The following MCM6 variants were observed in gnomAD, a reference collection of about 807,000 sequenced individuals.
MCM6 encodes the protein minichromosome maintenance complex component 6, also known as DNA replication licensing factor MCM6.
MCM6 carries 46 observed loss-of-function variants against 94.3 expected under a neutral mutation model. The observed-to-expected ratio is 0.49, with a 90% CI of 0.39 to 0.62. The LOEUF (loss-of-function observed/expected upper bound fraction) is 0.62. Among genes scored for constraint, MCM6 ranks in the 20% least tolerant of loss-of-function variants. The pLI is 0.00. For synonymous variants in MCM6, 335 were observed against 351.9 expected, an observed-to-expected ratio of 0.95 and a Z score of 0.54; for missense variants, 865 against 1,017.9, an observed-to-expected ratio of 0.85 and a Z score of 2.04.
intron 3 of MCM6, among the ~76,000 whole-genome samples, chr2:135,869,458 T>A (rs1680163535): frequency 6.6e-6 from 1 of 151,852 alleles, no homozygotes. Context: ...TGCAAATACT[T>A]TTTTGCTTAC....
intron 11 of MCM6, among the ~76,000 whole-genome samples, chr2:135,853,668 T>C (rs1034142280): frequency 2.0e-5 from 3 of 151,826 alleles, no homozygotes; most frequent in Admixed American, 6.6e-5. Flanking sequence ...AGGATTTGAA[T>C]AGTCTAGCTT....
chr2:135,855,730 T>C (rs1679860975), intron 11 of MCM6, among the ~76,000 whole-genome samples: 1 of 152,178 alleles, frequency 6.6e-6, no homozygotes, highest in South Asian at 2.1e-4. Context: ...ATTTAGATAA[T>C]ATTTAAAGTT....
chr2:135,840,899 C>G lies in MCM6; in HGVS notation c.2402G>C (p.Gly801Ala). The change falls in exon 17 of 17, where the codon GGA becomes GCA. Residue 801 changes from glycine to alanine, a missense_variant. This residue lies in a region of MCM6 where 308 missense variants were observed against 324.5 expected (regional missense o/e 0.95). Transcript: ENST00000264156. Reference sequence around the variant, plus strand: ...GGGATCTTCTTCATAGCTCTCACTTCCCTCTGTGGAGCCTTTCAATCCAGC... The same window carrying G: ...GGGATCTTCTTCATAGCTCTCACTTGCCTCTGTGGAGCCTTTCAATCCAGC... ...TQAGLKGSTE[G>A]SESYEEDPYL... The G allele has an allele frequency of 2.5e-6, 4 of 1,614,180 alleles. No individual in the cohort carries two copies. Among genetic ancestry groups the G allele is most frequent in the Non-Finnish European group, 2.5e-6 (3 of 1,180,010 alleles).
intron 16 of MCM6, among the ~76,000 whole-genome samples, chr2:135,841,978 A>ACT (rs1183485930): frequency 2.0e-5 from 3 of 152,026 alleles, no homozygotes; most frequent in African/African-American, 7.2e-5. Context: ...GGTGGCGGGC[A>ACT]CCTGTAATCC....
chr2:135,876,123 T>TG, intron 1 of MCM6, 136 bp downstream of exon 1: 1 of 625,892 alleles, frequency 1.6e-6, no homozygotes, highest in Non-Finnish European at 2.5e-6. Flanking sequence ...AGCCTAAAGT[T>TG]GGGGGGCGGG....
intron 10 of MCM6, 55 bp from the exon 11 acceptor site, chr2:135,856,938 A>G (rs1679902289): frequency 6.8e-7 from 1 of 1,474,622 alleles, no homozygotes; most frequent in Non-Finnish European, 9.3e-7. Context: ...GCCAATAAAT[A>G]TATAACAACA....
In MCM6 at chr2:135,866,635, G is replaced by C. The variant is rs147531807; in HGVS notation, c.709C>G (p.Gln237Glu). The C allele has an allele frequency of 1.8e-5, 29 of 1,614,064 alleles. No individual in the cohort carries two copies. The highest frequency in any genetic ancestry group is 1.6e-4 in the Middle Eastern group (1 of 6,084). Residue 237 changes from glutamine (Q) to glutamate (E), a missense_variant, in exon 5 of 17, where the codon CAA (glutamine) becomes GAA (glutamate). Transcript: ENST00000264156. ...ILRAEAVESA[Q>E]AGDKCDFTGT... ...GTAAAGTCACACTTGTCACCAGCTT[G>C]AGCTGATTCCACAGCTTCAGCCCTT...
intron 7 of MCM6, among the ~76,000 whole-genome samples, chr2:135,864,172 G>C (rs1034825759): frequency 2.0e-5 from 3 of 152,116 alleles, no homozygotes; most frequent in Non-Finnish European, 4.4e-5. Flanking sequence ...TCCTAATTGA[G>C]TATGGAAGAC....
chr2:135,856,639 C>T (rs549255541), intron 11 of MCM6, 89 bp downstream of exon 11: 3 of 1,329,788 alleles, frequency 2.3e-6, no homozygotes, highest in African/African-American at 1.5e-5. Flanking sequence ...GGTGCACATA[C>T]ATGCACCAGC....
At chr2:135,848,586 C>T (rs1679711713) in intron 13 of MCM6, among the ~76,000 whole-genome samples, 1 of 151,992 alleles carries the variant, frequency 6.6e-6, no homozygotes, top group Non-Finnish European at 1.5e-5. Context: ...AAGACATATA[C>T]ATCCCATAAG....
intron 3 of MCM6, 33 bp from the exon 4 acceptor site, chr2:135,868,893 T>C: frequency 6.3e-7 from 1 of 1,596,800 alleles, no homozygotes; most frequent in Non-Finnish European, 8.6e-7. Context: ...TTAGTAAACA[T>C]TCATCTCTTA....
rs184287077 is a variant in MCM6, at chr2:135,864,003, C to T, written c.1078+1010G>A. Among the ~76,000 whole-genome samples the T allele has an allele frequency of 2.9e-3, 434 of 151,814 alleles. 4 individuals are homozygous for T. The highest frequency in any genetic ancestry group is 0.02 in the South Asian group (96 of 4,806). On this transcript the variant is annotated intron_variant, in intron 7 of 16. Coordinates refer to ENST00000264156, the MANE Select transcript of MCM6 (RefSeq NM_005915.6). ...GGGCAATCCTGCAATCCCAGCTACT[C>T]GTGAGGCTGAGGCAGGAGAATCGCT...
chr2:135,872,964 T>G, intron 1 of MCM6, 121 bp from the exon 2 acceptor site: 1 of 1,246,608 alleles, frequency 8.0e-7, no homozygotes, highest in South Asian at 1.5e-5. Context: ...GTTTGGCAGT[T>G]CTGTAACTTG....
chr2:135,850,455 C>G (rs1454520036), intron 13 of MCM6, among the ~76,000 whole-genome samples: 1 of 152,122 alleles, frequency 6.6e-6, no homozygotes, highest in Non-Finnish European at 1.5e-5. Flanking sequence ...ACCAGATTAG[C>G]AGCAATGGAA....
intron 1 of MCM6, among the ~76,000 whole-genome samples, chr2:135,875,915 C>T (rs1350544902): frequency 2.0e-5 from 3 of 152,236 alleles, no homozygotes. Flanking sequence ...ACCCAGCGGC[C>T]CAGTTACTAT....
intron 13 of MCM6, among the ~76,000 whole-genome samples, chr2:135,849,579 T>C (rs943035124): frequency 2.0e-5 from 3 of 152,192 alleles, no homozygotes; most frequent in Admixed American, 6.5e-5. Flanking sequence ...TAACAGCTGA[T>C]AGAGAACAAT....
intron 16 of MCM6, among the ~76,000 whole-genome samples, chr2:135,842,368 C>T (rs1399905236): frequency 1.3e-5 from 2 of 152,212 alleles, no homozygotes; most frequent in South Asian, 2.1e-4. Context: ...AAGACACAAC[C>T]CCAATACATG....
intron 8 of MCM6, 70 bp from the exon 9 acceptor site, chr2:135,859,512 A>G: frequency 9.1e-7 from 1 of 1,096,176 alleles, no homozygotes; most frequent in Non-Finnish European, 1.3e-6. Flanking sequence ...GAAAACCAGC[A>G]GAAGAGTTTA....
chr2:135,852,900 T>C lies in MCM6; in HGVS notation c.1642A>G (p.Ile548Val). Residue 548 changes from isoleucine to valine, a missense_variant, in exon 12 of 17, where the codon ATT becomes GTT. Coordinates refer to ENST00000264156, the MANE Select transcript of MCM6 (RefSeq NM_005915.6). The part of the protein sequence containing the change: ...DECNEVTDYA[I>V]ARRIVDLHSR... Reference sequence around the variant, plus strand: ...TGCAAATCTACTATGCGCCTGGCAATGGCATAATCTGTAACCTAATTCAAA... The same window carrying C: ...TGCAAATCTACTATGCGCCTGGCAACGGCATAATCTGTAACCTAATTCAAA... 3 of 1,606,836 alleles carry C rather than the reference T, an allele frequency of 1.9e-6. No homozygotes were observed. The highest frequency in any genetic ancestry group is 2.5e-6 in the Non-Finnish European group (3 of 1,177,394).
Sources: allele counts gnomAD v4.1 joint callset (sites outside exome capture counted in the v4.1 genomes callset), GRCh38; gene constraint gnomAD v4.1.1; regional missense constraint gnomAD v4.1.1; transcripts MANE v1.5; gene names NCBI Gene and HGNC (gene_info 2026-07-23, HGNC 2026-07-21).